Variants in FRMD4A observed in about 807,000 individuals in gnomAD.
FRMD4A encodes FERM domain containing 4A, also known as FERM domain-containing protein 4A.
A neutral mutation model predicts 129.1 loss-of-function variants in FRMD4A; 29 were observed. The observed-to-expected ratio is 0.22, with a 90% confidence interval of 0.17 to 0.31. The LOEUF (loss-of-function observed/expected upper bound fraction) is 0.31. Ranked by LOEUF, FRMD4A falls within the 10% of genes least tolerant of loss-of-function variation. The pLI, the probability that FRMD4A is intolerant of heterozygous loss-of-function variation, is 1.00. For synonymous variants in FRMD4A, 634 were observed against 571.6 expected (o/e 1.11, Z -1.56); for missense variants, 1,272 against 1,375.8 (o/e 0.92, Z 1.19).
In FRMD4A at chr10:13,880,385, C is replaced by T. The variant is rs187080948; in HGVS notation, c.46-21473G>A. Reference sequence around the variant, plus strand: ...GTTCTGTCTTCAGAATATCCAGAACCTGAACACTTTTCATCACCGTCATCA... The same window carrying T: ...GTTCTGTCTTCAGAATATCCAGAACTTGAACACTTTTCATCACCGTCATCA... On this transcript the variant is annotated intron_variant, in intron 2 of 24. Coordinates refer to ENST00000357447, the MANE Select transcript of FRMD4A (RefSeq NM_018027.5). Among the ~76,000 whole-genome samples, 720 of 152,344 alleles carry T rather than the reference C, an allele frequency of 4.7e-3. 7 individuals are homozygous for T. The highest frequency in any genetic ancestry group is 7.2e-3 in the Non-Finnish European group (490 of 68,036).
intron 21 of FRMD4A, 113 bp from the exon 22 acceptor site, chr10:13,657,635 GC>G: frequency 3.6e-6 from 5 of 1,396,754 alleles, no homozygotes; most frequent in Non-Finnish European, 4.7e-6. Context: ...GCGGGCGCAG[GC>G]CCCAGCCCAG....
intron 2 of FRMD4A, among the ~76,000 whole-genome samples, chr10:13,889,958 C>A (rs533943115): frequency 6.6e-6 from 1 of 152,302 alleles, no homozygotes; most frequent in Admixed American, 6.5e-5. Context: ...TGGATTCAAA[C>A]CTATTTGTCA....
At chr10:13,693,812 C>T (rs1159203112) in intron 15 of FRMD4A, 86 bp downstream of exon 15, 1 of 1,383,582 alleles carries the variant, frequency 7.2e-7, no homozygotes, top group Non-Finnish European at 1.0e-6. Flanking sequence ...GCAGTCTCCC[C>T]AGCTGCAGCT....
intron 23 of FRMD4A, chr10:13,652,195 C>T: frequency 1.7e-6 from 1 of 584,354 alleles, no homozygotes; most frequent in Admixed American, 3.0e-5. Context: ...CTCTTTTACC[C>T]ATGGCCTCAT....
chr10:13,918,610 C>A (rs1209456519), intron 2 of FRMD4A, among the ~76,000 whole-genome samples: 2 of 151,618 alleles, frequency 1.3e-5, no homozygotes, highest in South Asian at 2.1e-4. Context: ...CTCACTGCAA[C>A]CTCTGCCTTC....
At chr10:13,932,755 T>C (rs147225967) in intron 2 of FRMD4A, among the ~76,000 whole-genome samples, 1 of 152,330 alleles carries the variant, frequency 6.6e-6, no homozygotes, top group African/African-American at 2.4e-5. Context: ...AAGTAATTGA[T>C]TTTATTCATT....
chr10:13,670,914 G>C (rs535750309), intron 16 of FRMD4A, among the ~76,000 whole-genome samples: 1 of 152,176 alleles, frequency 6.6e-6, no homozygotes, highest in Non-Finnish European at 1.5e-5. Context: ...GTCAGCGTGA[G>C]TTCTCGGGCC....
At chr10:13,649,959 G>A (rs2081417955) in intron 24 of FRMD4A, among the ~76,000 whole-genome samples, 1 of 152,194 alleles carries the variant, frequency 6.6e-6, no homozygotes, top group Admixed American at 6.5e-5. Context: ...TGACCCAGAA[G>A]AGCAGCTTAG....
chr10:14,089,644 C>CAAAAAAAAAACAAACAA (rs1836539831), intron 2 of FRMD4A, among the ~76,000 whole-genome samples: 1 of 131,902 alleles, frequency 7.6e-6, no homozygotes, highest in African/African-American at 2.9e-5. Flanking sequence ...AAAAAACAAA[C>CAAAAAAAAAACAAACAA]AAAAAAAAAA....
At chr10:13,899,737 T>A (rs1157165450) in intron 2 of FRMD4A, among the ~76,000 whole-genome samples, 1 of 152,218 alleles carries the variant, frequency 6.6e-6, no homozygotes, top group Non-Finnish European at 1.5e-5. Flanking sequence ...AGTCGTCTTT[T>A]GGAGGCTTGA....
chr10:14,099,799 T>A (rs1837201986), intron 2 of FRMD4A, among the ~76,000 whole-genome samples: 1 of 152,200 alleles, frequency 6.6e-6, no homozygotes, highest in South Asian at 2.1e-4. Flanking sequence ...CTTTTTAACT[T>A]TTTTACTTTT....
chr10:14,309,374 A>G (rs1846461929), intron 2 of FRMD4A, among the ~76,000 whole-genome samples: 1 of 152,060 alleles, frequency 6.6e-6, no homozygotes, highest in Non-Finnish European at 1.5e-5. Context: ...CGCTTGAGCC[A>G]AGGAGGTCGA....
rs950061059 is a variant in FRMD4A, at chr10:13,910,700, A to AT, written c.46-51789dup. On this transcript the variant is annotated intron_variant, in intron 2 of 24. Coordinates refer to ENST00000357447, the MANE Select transcript of FRMD4A (RefSeq NM_018027.5). Reference sequence around the variant, plus strand: ...TTTGATGGGAAAATAACTGATAAAGATTTTTTTTCCACAAATATGTGAGTG... The same window carrying AT: ...TTTGATGGGAAAATAACTGATAAAGATTTTTTTTTCCACAAATATGTGAGTG... 8.4e-4 allele frequency among the ~76,000 whole-genome samples: 128 copies of AT among 152,060 alleles called. 1 individual carries two copies. The highest frequency in any genetic ancestry group is 1.5e-3 in the Non-Finnish European group (101 of 67,966).
intron 18 of FRMD4A, 45 bp downstream of exon 18, chr10:13,666,052 G>A (rs1564555570): frequency 1.7e-6 from 2 of 1,196,930 alleles, no homozygotes; most frequent in Admixed American, 3.4e-5. Context: ...GGTTGCCGGG[G>A]CCCGGGCGTG....
At chr10:13,675,392 T>G (rs1387356757) in intron 15 of FRMD4A, among the ~76,000 whole-genome samples, 1 of 152,214 alleles carries the variant, frequency 6.6e-6, no homozygotes, top group Non-Finnish European at 1.5e-5. Flanking sequence ...TCAGCAATTT[T>G]AATACGTATT....
intron 2 of FRMD4A, among the ~76,000 whole-genome samples, chr10:14,039,240 T>A (rs1833645890): frequency 6.6e-6 from 1 of 152,170 alleles, no homozygotes; most frequent in Non-Finnish European, 1.5e-5. Context: ...GTTATTTAAT[T>A]ATATCCTTTT....
intron 2 of FRMD4A, among the ~76,000 whole-genome samples, chr10:14,051,259 G>A (rs1451898032): frequency 1.3e-5 from 2 of 152,130 alleles, no homozygotes; most frequent in South Asian, 4.1e-4. Context: ...ATCACACCCT[G>A]TCCCTTCTCT....
chr10:13,787,993 A>G (rs2092910321), intron 5 of FRMD4A, among the ~76,000 whole-genome samples: 1 of 152,192 alleles, frequency 6.6e-6, no homozygotes, highest in Admixed American at 6.5e-5. Flanking sequence ...AGGGTTCACA[A>G]AGAACATTCC....
rs145676034 is a variant in FRMD4A, at chr10:13,739,928, C to T, written c.672+266G>A. ...CAGCCTGGCCAACATGGCAAAACCT[C>T]GTCTCTACTAAAAATACAAAAATTA... On this transcript the variant is annotated intron_variant, in intron 11 of 24. Transcript: ENST00000357447. Among the ~76,000 whole-genome samples the T allele has an allele frequency of 5.7e-3, 864 of 152,266 alleles. 10 individuals carry two copies. The highest frequency in any genetic ancestry group is 0.02 in the African/African-American group (820 of 41,554).
Sources: gnomAD v4.1 joint callset for allele counts (sites outside exome capture counted in the v4.1 genomes callset) on GRCh38, gnomAD v4.1.1 for gene constraint, MANE v1.5 for transcripts, NCBI Gene and HGNC (gene_info 2026-07-23, HGNC 2026-07-21) for gene names.